FAM98B: variants seen among roughly 807,000 people sequenced by gnomAD.
The protein encoded by FAM98B is tRNA-splicing ligase complex subunit FAM98B.
A neutral mutation model predicts 43.9 loss-of-function variants in FAM98B; 32 were observed. The observed-to-expected ratio is 0.73, with a 90% CI of 0.55 to 0.98. FAM98B has a LOEUF of 0.98. FAM98B is among the 50% of genes least tolerant of loss of function. The pLI, the probability that FAM98B is intolerant of heterozygous loss-of-function variation, is 0.00. For missense variants in FAM98B, 514 were observed against 522.9 expected, an observed-to-expected ratio of 0.98 and a Z score of 0.17; for synonymous variants, 190 against 174.0, an observed-to-expected ratio of 1.09 and a Z score of -0.72.
At chr15:38,472,874 A>C (rs1166040307) in intron 4 of FAM98B, among the ~76,000 whole-genome samples, 2 of 152,160 alleles carry the variant, frequency 1.3e-5, no homozygotes, top group Non-Finnish European at 2.9e-5. Flanking sequence ...AGGTAAATTA[A>C]TCCTTTAGTT....
rs1253958812 is a variant in FAM98B, at chr15:38,470,313, T to G, written c.439T>G (p.Tyr147Asp). The change falls in exon 4 of 8, where the codon TAT becomes GAT. Residue 147 changes from tyrosine to aspartate, a missense_variant. Tyr to Asp is a radical substitution (Grantham distance 160). Coordinates refer to ENST00000397609, the MANE Select transcript of FAM98B (RefSeq NM_173611.4). The stretch of plus-strand genomic sequence containing the variant: ...TCAATTAGATAAAAATAGTGAAGTT[T>G]ATCAGGAAGTTCAAGCTATGTTTGA... ...NSQLDKNSEV[Y>D]QEVQAMFDTL... 1 of 1,605,450 alleles carries G rather than the reference T, an allele frequency of 6.2e-7. No homozygotes were observed. The highest frequency in any genetic ancestry group is 1.3e-5 in the African/African-American group (1 of 74,502).
intron 4 of FAM98B, among the ~76,000 whole-genome samples, chr15:38,471,031 A>C (rs1890124116): frequency 1.3e-5 from 2 of 152,038 alleles, no homozygotes; most frequent in South Asian, 4.2e-4. Context: ...TCACAGACCA[A>C]ATTCTGGCCT....
At chr15:38,477,075 A>T (rs1008401596) in intron 6 of FAM98B, among the ~76,000 whole-genome samples, 3 of 151,686 alleles carry the variant, frequency 2.0e-5, no homozygotes, top group Non-Finnish European at 4.4e-5. Flanking sequence ...AGCTGGGAGG[A>T]TTACTTGAGG....
chr15:38,465,399 T>C lies in FAM98B; in HGVS notation c.348T>C (p.Leu116=). The C allele has an allele frequency of 6.3e-7, 1 of 1,585,790 alleles. No individual in the cohort carries two copies. Among genetic ancestry groups the C allele is most frequent in the South Asian group, 1.2e-5 (1 of 84,246 alleles). The change falls in exon 3 of 8, where the codon CTT becomes CTC. Residue 116 remains leucine, a synonymous_variant. Coordinates refer to ENST00000397609, the MANE Select transcript of FAM98B (RefSeq NM_173611.4). ...AAAAGAAGGAGGACTGTTTGAAACT[T>C]CTATGTAAGTTATCTTGAACATTTA... is the stretch of plus-strand genomic sequence containing the variant. ...RLKKKEDCLK[L]LLFLSTELQA... is the part of the protein sequence containing the mutation.
At chr15:38,483,098 C>T (rs1595805294) in intron 7 of FAM98B, 1 of 152,094 alleles carries the variant, frequency 6.6e-6, no homozygotes, top group Admixed American at 6.5e-5. Context: ...GTACTTCATA[C>T]ATTTTTGAAA....
At chr15:38,479,449 A>T (rs1374452390) in intron 6 of FAM98B, among the ~76,000 whole-genome samples, 1 of 152,104 alleles carries the variant, frequency 6.6e-6, no homozygotes, top group East Asian at 1.9e-4. Flanking sequence ...TATACTTTAC[A>T]TTTCCATGGA....
chr15:38,480,014 A>AT (rs1050584144), intron 6 of FAM98B, among the ~76,000 whole-genome samples: 48 of 150,260 alleles, frequency 3.2e-4, no homozygotes, highest in African/African-American at 9.8e-4. Context: ...ATGTCTTGTC[A>AT]TTTTTTTTTC....
At position 38,486,511 on chromosome 15, in the gene FAM98B, A is replaced by C. The variant is rs1346911085; in HGVS notation, c.*1852A>C. On this transcript the variant is annotated 3_prime_UTR_variant, in exon 8 of 8. Transcript: ENST00000397609. ...TTTTACCACTAAAGGTTTATGGTAA[A>C]TATGGCAGAAACAATAGTTTATCAG... 1.3e-5 allele frequency: 2 copies of C among 152,176 alleles called. No homozygotes were observed. Among genetic ancestry groups the C allele is most frequent in the African/African-American group, 4.8e-5 (2 of 41,464 alleles). 9.4% of individuals were successfully genotyped at this position (152,176 alleles called of 1,614,324 possible).
At chr15:38,474,338 C>G in intron 6 of FAM98B, 40 bp downstream of exon 6, 4 of 1,354,138 alleles carry the variant, frequency 3.0e-6, no homozygotes, top group Non-Finnish European at 4.2e-6. Flanking sequence ...AGGTGGTAGC[C>G]TATAACAGCT....
intron 3 of FAM98B, among the ~76,000 whole-genome samples, chr15:38,470,003 AGTT>A (rs2141056997): frequency 6.6e-6 from 1 of 152,244 alleles, no homozygotes; most frequent in Admixed American, 6.5e-5. Context: ...AGCTTTAGTT[AGTT>A]GTTTTTTCTC....
intron 5 of FAM98B, 120 bp downstream of exon 5, chr15:38,473,705 AT>A: frequency 1.4e-6 from 1 of 700,828 alleles, no homozygotes; most frequent in Non-Finnish European, 2.3e-6. Context: ...TAGAATTAAA[AT>A]TGATTGATAT....
chr15:38,476,674 T>C (rs1197552400), intron 6 of FAM98B, among the ~76,000 whole-genome samples: 1 of 151,800 alleles, frequency 6.6e-6, no homozygotes, highest in East Asian at 1.9e-4. Context: ...TTTGGTATGC[T>C]ATCATCTTGA....
In FAM98B at chr15:38,484,488, GGGA is replaced by G. The variant is rs766204596; in HGVS notation, c.1143_1145del (p.Gly383del). ...GTGGGGGAGGGGGAGGAGGGTGGGG[GGGA>G]GGAGGAGGAGGTGGTAGAGGAGGTT... On this transcript the variant is annotated inframe_deletion, in exon 8 of 8. Transcript: ENST00000397609. 1.5e-4 allele frequency: 134 copies of G among 918,556 alleles called. No individual in the cohort carries two copies. Among genetic ancestry groups the G allele is most frequent in the Middle Eastern group, 4.9e-4 (1 of 2,056 alleles). The allele number at this position is 918,556 out of a possible 1,614,324, so 56.9% of individuals were successfully genotyped here. A position where few individuals can be genotyped will look rare whatever the true frequency, so the allele number is the denominator to read the frequency against.
rs1310086436 is a variant in FAM98B at position 38,470,369 on chromosome 15, T to A, written c.495T>A (p.Ser165=). 2 of 1,602,202 alleles carry A rather than the reference T, an allele frequency of 1.2e-6. No homozygotes were observed. The change falls in exon 4 of 8, where the codon TCT becomes TCA. Residue 165 remains serine (S), a synonymous_variant. Transcript: ENST00000397609. ...DTLGIPKSTT[S]DIPHMLNQVE... is the part of the protein sequence containing the mutation. ...TTGGTATACCCAAGTCAACAACTTC[T>A]GACATTCCGCATATGCTAAACCAAG...
At chr15:38,470,504 AT>A in intron 4 of FAM98B, 99 bp downstream of exon 4, 1 of 1,076,592 alleles carries the variant, frequency 9.3e-7, no homozygotes, top group Non-Finnish European at 1.3e-6. Context: ...TGAGGTATAC[AT>A]TTTATTTCAA....
chr15:38,481,141 A>G, intron 6 of FAM98B, 151 bp from the exon 7 acceptor site: 1 of 604,436 alleles, frequency 1.7e-6, no homozygotes, highest in Non-Finnish European at 2.9e-6. Context: ...TAAATTATTC[A>G]TAAATTCTCA....
chr15:38,464,258 C>T lies in FAM98B; in HGVS notation c.217+81C>T, dbSNP rs748015358. ...GGTTTATAGTTTTATCAATAATGTG[C>T]CCACTGTACAAAGAAAAATCACATA... On this transcript the variant is annotated intron_variant, in intron 2 of 7. Coordinates refer to ENST00000397609, the MANE Select transcript of FAM98B (RefSeq NM_173611.4). 1.5e-4 allele frequency: 200 copies of T among 1,317,500 alleles called. 1 individual carries two copies. The highest frequency in any genetic ancestry group is 2.4e-4 in the Admixed American group (9 of 37,452). The allele number at this position is 1,317,500 out of a possible 1,614,324, so 81.6% of individuals were successfully genotyped here.
intron 3 of FAM98B, among the ~76,000 whole-genome samples, chr15:38,469,762 C>G (rs147120317): frequency 6.6e-6 from 1 of 150,750 alleles, no homozygotes; most frequent in South Asian, 2.1e-4. Flanking sequence ...TAGTTTTTTG[C>G]TTGTAGTGCC....
intron 4 of FAM98B, chr15:38,470,620 G>A (rs1196155762): frequency 8.3e-6 from 3 of 360,240 alleles, no homozygotes; most frequent in Non-Finnish European, 1.5e-5. Flanking sequence ...TGAGTTACTG[G>A]CCTTCAGCTT....
Sources: allele counts gnomAD v4.1 joint callset (sites outside exome capture counted in the v4.1 genomes callset), GRCh38; gene constraint gnomAD v4.1.1; transcripts MANE v1.5; gene names NCBI Gene and HGNC (gene_info 2026-07-23, HGNC 2026-07-21).